The following DLGAP2 variants were observed in gnomAD, a reference collection of about 807,000 sequenced individuals.
DLGAP2 encodes the protein DLG associated protein 2.
In DLGAP2, 26 loss-of-function variants were observed where a neutral mutation model predicts 100.3. The observed-to-expected ratio is 0.26, with a 90% CI of 0.19 to 0.36. DLGAP2 has a LOEUF of 0.36. DLGAP2 is among the 10% of genes least tolerant of loss of function. DLGAP2 has a pLI of 1.00. For missense variants in DLGAP2, 1,858 were observed against 1,453.2 expected (o/e 1.28, Z -4.53); for synonymous variants, 886 against 630.1 (o/e 1.41, Z -6.08).
At chr8:1,077,249 G>A (rs981338966) in intron 2 of DLGAP2, among the ~76,000 whole-genome samples, 7 of 152,160 alleles carry the variant, frequency 4.6e-5, no homozygotes, top group African/African-American at 9.6e-5. Context: ...ACCTTACCTC[G>A]TCACCTCTGT....
At chr8:1,647,401 A>G (rs1798064308) in intron 8 of DLGAP2, among the ~76,000 whole-genome samples, 1 of 146,668 alleles carries the variant, frequency 6.8e-6, no homozygotes, top group Admixed American at 6.9e-5. Flanking sequence ...AGGCAGGAGA[A>G]TGGAGTGAAC....
Position 773,427 on chromosome 8 carries a change from A to G in DLGAP2, c.18+35602A>G, listed in dbSNP as rs1049837706. Among the ~76,000 whole-genome samples the G allele has an allele frequency of 5.3e-4, 80 of 151,620 alleles. 1 individual carries two copies. The highest frequency in any genetic ancestry group is 3.4e-3 in the Middle Eastern group (1 of 290). On this transcript the variant is annotated intron_variant, in intron 1 of 14. Transcript: ENST00000637795. Reference sequence around the variant, plus strand: ...TTAGTTACATATGTATACATGTGCCATGCTGGTGCGCTGCACTCACTAACT... The same window carrying G: ...TTAGTTACATATGTATACATGTGCCGTGCTGGTGCGCTGCACTCACTAACT...
At chr8:858,148 C>T (rs370143345) in intron 1 of DLGAP2, among the ~76,000 whole-genome samples, 32 of 152,318 alleles carry the variant, frequency 2.1e-4, no homozygotes, top group Non-Finnish European at 2.9e-4. Context: ...TTAGCCACCG[C>T]GCCCAGTGCA....
intron 8 of DLGAP2, among the ~76,000 whole-genome samples, chr8:1,656,536 T>G (rs981478940): frequency 6.6e-6 from 1 of 152,184 alleles, no homozygotes; most frequent in African/African-American, 2.4e-5. Flanking sequence ...ACTCCAGATA[T>G]TTGGGCAATT....
intron 2 of DLGAP2, among the ~76,000 whole-genome samples, chr8:1,084,171 T>G (rs1438759407): frequency 6.6e-6 from 1 of 152,208 alleles, no homozygotes; most frequent in Non-Finnish European, 1.5e-5. Flanking sequence ...GAAGTTAAGA[T>G]TCTTCAAAAG....
chr8:942,090 GGGA>G (rs1301157640), intron 2 of DLGAP2, among the ~76,000 whole-genome samples: 8 of 152,138 alleles, frequency 5.3e-5, no homozygotes, highest in African/African-American at 1.9e-4. Flanking sequence ...TCGAGTCACT[GGGA>G]CCACAGGTGC....
At chr8:901,412 T>TA (rs2128997440) in intron 1 of DLGAP2, among the ~76,000 whole-genome samples, 1 of 152,352 alleles carries the variant, frequency 6.6e-6, no homozygotes, top group African/African-American at 2.4e-5. Context: ...TCTTTATTGA[T>TA]AAAAAGTAAA....
intron 3 of DLGAP2, among the ~76,000 whole-genome samples, chr8:1,268,779 A>G (rs1205830523): frequency 6.6e-6 from 1 of 152,216 alleles, no homozygotes; most frequent in Non-Finnish European, 1.5e-5. Context: ...TATGCACCTC[A>G]TGTTGCACAC....
intron 3 of DLGAP2, among the ~76,000 whole-genome samples, chr8:1,361,958 T>A (rs1412341472): frequency 6.6e-6 from 1 of 152,206 alleles, no homozygotes; most frequent in African/African-American, 2.4e-5. Flanking sequence ...GGACACCTCC[T>A]GGCTGCAGGA....
chr8:1,605,096 G>A (rs1469379655), intron 6 of DLGAP2, among the ~76,000 whole-genome samples: 10 of 152,230 alleles, frequency 6.6e-5, no homozygotes, highest in Middle Eastern at 3.4e-3. Flanking sequence ...TGACCTCATC[G>A]GCCCCTGAGG....
At position 1,542,077 on chromosome 8, in the gene DLGAP2, A is replaced by G. The variant is rs192101593; in HGVS notation, c.173-6549A>G. Among the ~76,000 whole-genome samples, 20 of 152,374 alleles carry G rather than the reference A, an allele frequency of 1.3e-4. No homozygotes were observed. The East Asian group carries it at 2.5e-3, about 19-fold the overall frequency. ...TGTTCTGTGGAGAAGGAGGAGATTT[A>G]GAAGCAAAAAATAAACATAACTGCT... On this transcript the variant is annotated intron_variant, in intron 4 of 14. Coordinates refer to ENST00000637795, the MANE Select transcript of DLGAP2 (RefSeq NM_001346810.2).
At chr8:1,691,174 T>G (rs1392449717) in intron 12 of DLGAP2, among the ~76,000 whole-genome samples, 2 of 152,224 alleles carry the variant, frequency 1.3e-5, no homozygotes, top group Admixed American at 6.5e-5. Flanking sequence ...AAGAACTCGA[T>G]GTTGCTTTCA....
At chr8:1,001,021 T>G (rs1800940449) in intron 2 of DLGAP2, among the ~76,000 whole-genome samples, 1 of 152,194 alleles carries the variant, frequency 6.6e-6, no homozygotes, top group African/African-American at 2.4e-5. Flanking sequence ...TCAGGAGGTG[T>G]CGATGACATT....
intron 2 of DLGAP2, among the ~76,000 whole-genome samples, chr8:985,602 G>T (rs1800463110): frequency 6.6e-6 from 1 of 152,190 alleles, no homozygotes; most frequent in Non-Finnish European, 1.5e-5. Flanking sequence ...AAATCATGTA[G>T]GAGGTTTATA....
chr8:1,369,573 G>A (rs990740212), intron 3 of DLGAP2: 2 of 152,100 alleles, frequency 1.3e-5, no homozygotes, highest in Non-Finnish European at 1.5e-5. Context: ...GTAAATTCTC[G>A]ATGTGCCTGT....
At chr8:1,671,948 G>A (rs1385006424) in intron 10 of DLGAP2, among the ~76,000 whole-genome samples, 6 of 152,232 alleles carry the variant, frequency 3.9e-5, no homozygotes, top group East Asian at 1.9e-4. Flanking sequence ...CCTCTGACCC[G>A]GTCTGGCCTG....
chr8:1,092,042 G>A (rs1804201232), intron 2 of DLGAP2, among the ~76,000 whole-genome samples: 1 of 152,132 alleles, frequency 6.6e-6, no homozygotes. Flanking sequence ...CAGCGTGTTT[G>A]AACTGCACTC....
intron 2 of DLGAP2, among the ~76,000 whole-genome samples, chr8:1,190,423 C>T (rs116024462): frequency 0.025 from 3,736 of 151,848 alleles, 195 homozygotes; most frequent in African/African-American, 0.086. Flanking sequence ...GGGGCATCTG[C>T]TGTTGGGGCA....
chr8:1,366,817 G>T (rs1019659685), intron 3 of DLGAP2, among the ~76,000 whole-genome samples: 3 of 152,164 alleles, frequency 2.0e-5, no homozygotes, highest in South Asian at 4.2e-4. Flanking sequence ...TGTAATAAGG[G>T]GGTCTGTGGT....
Sources: allele counts gnomAD v4.1 joint callset (sites outside exome capture counted in the v4.1 genomes callset), GRCh38; gene constraint gnomAD v4.1.1; transcripts MANE v1.5; gene names NCBI Gene and HGNC (gene_info 2026-07-23, HGNC 2026-07-21).